The following MAGI2 variants were observed in gnomAD, a reference collection of about 807,000 sequenced individuals.
MAGI2 encodes the protein membrane-associated guanylate kinase, WW and PDZ domain-containing protein 2.
A neutral mutation model predicts 133.3 loss-of-function variants in MAGI2; 35 were observed. The ratio of observed to expected loss-of-function variants is 0.26; its 90% CI spans 0.20 to 0.35. MAGI2 has a LOEUF of 0.35. MAGI2 is among the 10% of genes least tolerant of loss of function. The probability of loss-of-function intolerance (pLI) is 1.00; values close to 1 mark genes in which losing one functional copy is unlikely to be tolerated. For synonymous variants in MAGI2, 729 were observed against 710.6 expected (o/e 1.03, Z -0.41); for missense variants, 1,636 against 1,863.4 (o/e 0.88, Z 2.25).
chr7:79,256,599 T>C (rs921046309), intron 1 of MAGI2, among the ~76,000 whole-genome samples: 2 of 150,936 alleles, frequency 1.3e-5, no homozygotes, highest in Admixed American at 6.6e-5. Flanking sequence ...CAGGTGATCC[T>C]TTCACCTCGA....
At chr7:79,442,275 T>C (rs762054034) in intron 1 of MAGI2, among the ~76,000 whole-genome samples, 2 of 152,184 alleles carry the variant, frequency 1.3e-5, no homozygotes, top group Non-Finnish European at 2.9e-5. Context: ...GGGTTAAAAA[T>C]ATCACTGATA....
intron 1 of MAGI2, among the ~76,000 whole-genome samples, chr7:79,370,347 A>G (rs1842972624): frequency 6.6e-6 from 1 of 152,138 alleles, no homozygotes; most frequent in African/African-American, 2.4e-5. Flanking sequence ...GGATAAATGA[A>G]TTGCCTATAC....
intron 10 of MAGI2, among the ~76,000 whole-genome samples, chr7:78,243,179 G>T (rs1791338801): frequency 6.6e-6 from 1 of 150,998 alleles, no homozygotes; most frequent in Admixed American, 6.6e-5. Flanking sequence ...AATATTTGGG[G>T]GTAAAGGAAC....
chr7:78,858,632 TC>T (rs1479555257), intron 2 of MAGI2, among the ~76,000 whole-genome samples: 30 of 152,320 alleles, frequency 2.0e-4, no homozygotes, highest in African/African-American at 7.0e-4. Flanking sequence ...TGTTATAATT[TC>T]TGTTCTTTTA....
In MAGI2 at chr7:79,015,998, C is replaced by G. The variant is rs868132204; in HGVS notation, c.302-8792G>C. Among the ~76,000 whole-genome samples the G allele has an allele frequency of 1.4e-3, 35 of 25,732 alleles. 1 individual carries two copies. The highest frequency in any genetic ancestry group is 4.2e-3 in the African/African-American group (30 of 7,102). The allele number at this position is 25,732 out of a possible 152,430, so 16.9% of individuals were successfully genotyped here. On this transcript the variant is annotated intron_variant, in intron 1 of 21. Coordinates refer to ENST00000354212, the MANE Select transcript of MAGI2 (RefSeq NM_012301.4). ...TAGCCCTCAATGACTCCTGGAGAAGCGGGGGGGGGGGGTGGGGGTTGAGCA... is the reference window on the plus strand; with the variant it reads ...TAGCCCTCAATGACTCCTGGAGAAGGGGGGGGGGGGGGTGGGGGTTGAGCA...
At chr7:78,211,163 C>T (rs533842975) in intron 10 of MAGI2, among the ~76,000 whole-genome samples, 1 of 152,192 alleles carries the variant, frequency 6.6e-6, no homozygotes, top group South Asian at 2.1e-4. Flanking sequence ...GAGACATTCA[C>T]CTTAATTGGG....
At chr7:79,224,118 G>A (rs560872552) in intron 1 of MAGI2, among the ~76,000 whole-genome samples, 1 of 152,020 alleles carries the variant, frequency 6.6e-6, no homozygotes, top group Non-Finnish European at 1.5e-5. Flanking sequence ...ACTGGGAATA[G>A]GTACTATCAT....
At chr7:78,103,370 A>G (rs1818370700) in intron 20 of MAGI2, among the ~76,000 whole-genome samples, 1 of 152,244 alleles carries the variant, frequency 6.6e-6, no homozygotes, top group Non-Finnish European at 1.5e-5. Context: ...CATGAAGTAT[A>G]TATTTCCAAA....
At chr7:78,976,488 C>A (rs1334376198) in intron 2 of MAGI2, among the ~76,000 whole-genome samples, 1 of 146,094 alleles carries the variant, frequency 6.8e-6, no homozygotes, top group African/African-American at 2.7e-5. Context: ...AATAAATCAC[C>A]TAACATCTCA....
At chr7:78,844,536 A>ATT (rs1231217703) in intron 2 of MAGI2, among the ~76,000 whole-genome samples, 1 of 152,052 alleles carries the variant, frequency 6.6e-6, no homozygotes, top group East Asian at 1.9e-4. Flanking sequence ...CCTTAAAAAT[A>ATT]TTATGTTAAG....
intron 16 of MAGI2, among the ~76,000 whole-genome samples, chr7:78,137,738 C>T (rs1039780546): frequency 6.6e-6 from 1 of 152,164 alleles, no homozygotes; most frequent in Non-Finnish European, 1.5e-5. Flanking sequence ...TTGCAGGTCT[C>T]TGTAGGAAAA....
At position 78,784,631 on chromosome 7, in the gene MAGI2, T is replaced by C. The variant is rs117583458; in HGVS notation, c.419-157392A>G. 5.9e-3 allele frequency among the ~76,000 whole-genome samples: 900 copies of C among 152,340 alleles called. 5 individuals carry two copies. Among genetic ancestry groups the C allele is most frequent in the Non-Finnish European group, 9.8e-3 (665 of 68,034 alleles). On this transcript the variant is annotated intron_variant, in intron 2 of 21. Transcript: ENST00000354212. ...GCTATAACAGAGGCCAAAAAAAATC[T>C]GGACAGGCTTTGCTGGGTTTCTCCA...
At chr7:78,838,214 G>A (rs1563564830) in intron 2 of MAGI2, among the ~76,000 whole-genome samples, 2 of 152,136 alleles carry the variant, frequency 1.3e-5, no homozygotes, top group African/African-American at 2.4e-5. Flanking sequence ...CTGCTTAGTC[G>A]CTGTCTTTGT....
chr7:79,236,261 G>T (rs780557562), intron 1 of MAGI2, among the ~76,000 whole-genome samples: 1 of 152,118 alleles, frequency 6.6e-6, no homozygotes, highest in Non-Finnish European at 1.5e-5. Context: ...ATGTTAATGG[G>T]TTAATACATG....
At chr7:78,977,717 T>A (rs766329210) in intron 2 of MAGI2, among the ~76,000 whole-genome samples, 3 of 151,696 alleles carry the variant, frequency 2.0e-5, no homozygotes, top group Non-Finnish European at 4.4e-5. Flanking sequence ...TCCTTATCTA[T>A]GAAAGACACT....
intron 2 of MAGI2, among the ~76,000 whole-genome samples, chr7:78,936,093 TATTA>T (rs1443851195): frequency 6.6e-6 from 1 of 152,096 alleles, no homozygotes; most frequent in Non-Finnish European, 1.5e-5. Context: ...ATTACATGAA[TATTA>T]ATTATTAAAG....
intron 2 of MAGI2, among the ~76,000 whole-genome samples, chr7:78,992,984 C>T (rs899876725): frequency 1.3e-5 from 2 of 151,920 alleles, no homozygotes; most frequent in South Asian, 4.1e-4. Context: ...TTGTCAATTG[C>T]TTTTTCATGT....
intron 2 of MAGI2, among the ~76,000 whole-genome samples, chr7:78,844,834 CAA>C (rs149994891): frequency 5.3e-5 from 8 of 151,236 alleles, no homozygotes; most frequent in Non-Finnish European, 8.9e-5. Context: ...TAAAAATAAA[CAA>C]AAAAAATCCA....
intron 2 of MAGI2, among the ~76,000 whole-genome samples, chr7:78,896,039 A>C (rs985162912): frequency 6.6e-6 from 1 of 152,198 alleles, no homozygotes; most frequent in Non-Finnish European, 1.5e-5. Flanking sequence ...TTTTCAAATC[A>C]GATTGTTAGG....
Sources: gnomAD v4.1 joint callset for allele counts (sites outside exome capture counted in the v4.1 genomes callset) on GRCh38, gnomAD v4.1.1 for gene constraint, MANE v1.5 for transcripts, NCBI Gene and HGNC (gene_info 2026-07-23, HGNC 2026-07-21) for gene names.